Variants in ADAMTSL1 observed in about 807,000 individuals in gnomAD.
ADAMTSL1 encodes the protein ADAMTS-like protein 1.
Under a neutral mutation model 201.8 loss-of-function variants are expected in ADAMTSL1, and 126 were observed. That is an observed-to-expected ratio of 0.62 (90% CI 0.54 to 0.72). The LOEUF (loss-of-function observed/expected upper bound fraction) is 0.72, where lower values mean the gene tolerates loss of function less well. Among genes scored for constraint, ADAMTSL1 ranks in the 30% least tolerant of loss-of-function variants. ADAMTSL1 has a pLI of 0.00. For missense variants in ADAMTSL1, 2,679 were observed against 2,277.8 expected, an observed-to-expected ratio of 1.18 and a Z score of -3.59; for synonymous variants, 1,121 against 903.4, an observed-to-expected ratio of 1.24 and a Z score of -4.32.
intron 2 of ADAMTSL1, among the ~76,000 whole-genome samples, chr9:18,336,481 A>G (rs989616178): frequency 6.6e-6 from 1 of 152,170 alleles, no homozygotes; most frequent in African/African-American, 2.4e-5. Context: ...CTGTGAGAGA[A>G]AAACATACAA....
chr9:18,187,772 G>A (rs538475236), intron 2 of ADAMTSL1, among the ~76,000 whole-genome samples: 2 of 152,046 alleles, frequency 1.3e-5, no homozygotes, highest in South Asian at 4.2e-4. Flanking sequence ...AGGGAAGGAA[G>A]GAAAATGAAA....
intron 1 of ADAMTSL1, among the ~76,000 whole-genome samples, chr9:17,974,217 T>C (rs1483420680): frequency 1.3e-5 from 2 of 151,970 alleles, no homozygotes; most frequent in Non-Finnish European, 2.9e-5. Context: ...ACCACTCCTA[T>C]TCAACATAGT....
chr9:17,969,652 A>G (rs115612930), intron 1 of ADAMTSL1, among the ~76,000 whole-genome samples: 2 of 152,094 alleles, frequency 1.3e-5, no homozygotes, highest in African/African-American at 4.8e-5. Context: ...AGTATACTAA[A>G]TGAGCTAGAA....
intron 23 of ADAMTSL1, among the ~76,000 whole-genome samples, chr9:18,881,424 G>A (rs7868431): frequency 2.6e-5 from 4 of 152,114 alleles, no homozygotes; most frequent in African/African-American, 9.7e-5. Flanking sequence ...TGCATCTCAG[G>A]GGATAGGGAG....
At chr9:18,276,089 C>T (rs907884068) in intron 2 of ADAMTSL1, among the ~76,000 whole-genome samples, 1 of 151,960 alleles carries the variant, frequency 6.6e-6, no homozygotes, top group Non-Finnish European at 1.5e-5. Flanking sequence ...TTAGTTATCC[C>T]AGTGGTTGTG....
At chr9:18,783,714 T>A (rs1395872916) in intron 19 of ADAMTSL1, among the ~76,000 whole-genome samples, 1 of 152,262 alleles carries the variant, frequency 6.6e-6, no homozygotes, top group East Asian at 1.9e-4. Flanking sequence ...GAGCTGGGAT[T>A]TGAAACCAGG....
chr9:18,607,821 T>C (rs1288224891), intron 4 of ADAMTSL1, among the ~76,000 whole-genome samples: 1 of 149,982 alleles, frequency 6.7e-6, no homozygotes, highest in Non-Finnish European at 1.5e-5. Context: ...AGTGAGAACA[T>C]GCGGTGTTCG....
intron 23 of ADAMTSL1, among the ~76,000 whole-genome samples, chr9:18,872,196 G>A (rs1362496874): frequency 3.3e-5 from 5 of 151,874 alleles, no homozygotes; most frequent in Non-Finnish European, 4.4e-5. Flanking sequence ...ATAGGACTTG[G>A]TTAAACAAGT....
At chr9:18,906,596 C>T in intron 27 of ADAMTSL1, 96 bp from the exon 28 acceptor site, 2 of 1,019,790 alleles carry the variant, frequency 2.0e-6, no homozygotes, top group Non-Finnish European at 2.8e-6. Context: ...CTTGAGGAAC[C>T]ACCTAACATT....
chr9:17,952,163 A>G (rs1484187582), intron 1 of ADAMTSL1, among the ~76,000 whole-genome samples: 3 of 144,484 alleles, frequency 2.1e-5, no homozygotes, highest in African/African-American at 7.7e-5. Context: ...TACGTTGCCC[A>G]GGCAGGCCTT....
chr9:18,732,207 C>G (rs1327488608), intron 15 of ADAMTSL1, among the ~76,000 whole-genome samples: 1 of 152,150 alleles, frequency 6.6e-6, no homozygotes, highest in Non-Finnish European at 1.5e-5. Context: ...TAATTTTATA[C>G]TCACCGAGTT....
At chr9:18,368,220 A>T (rs17202704) in intron 2 of ADAMTSL1, among the ~76,000 whole-genome samples, 12,349 of 152,094 alleles carry the variant, frequency 0.081, 698 homozygotes, top group Middle Eastern at 0.14. Flanking sequence ...TGGCTGAGGG[A>T]GTCTTTTAAA....
chr9:18,180,315 C>T (rs1354488618), intron 2 of ADAMTSL1, among the ~76,000 whole-genome samples: 16 of 152,120 alleles, frequency 1.1e-4, no homozygotes, highest in Admixed American at 2.6e-4. Flanking sequence ...GGGCGGATCA[C>T]GAGGTCAGGA....
chr9:18,313,941 GT>G, intron 2 of ADAMTSL1, among the ~76,000 whole-genome samples: 1 of 152,200 alleles, frequency 6.6e-6, no homozygotes, highest in Admixed American at 6.5e-5. Flanking sequence ...CTGATAAGGG[GT>G]TAATATACAA....
At chr9:18,073,787 G>C (rs10963431) in intron 1 of ADAMTSL1, among the ~76,000 whole-genome samples, 59,967 of 152,004 alleles carry the variant, frequency 0.39, 12,377 homozygotes, top group Non-Finnish European at 0.46. Context: ...CTGACCTTGA[G>C]GGTGTCACCC....
At chr9:18,029,278 CA>C (rs1345304319) in intron 1 of ADAMTSL1, among the ~76,000 whole-genome samples, 5 of 151,876 alleles carry the variant, frequency 3.3e-5, no homozygotes, top group African/African-American at 9.7e-5. Context: ...TTGCCCTGGC[CA>C]GAACAAAGCC....
chr9:18,874,312 C>T (rs912483451), intron 23 of ADAMTSL1, among the ~76,000 whole-genome samples: 10 of 152,008 alleles, frequency 6.6e-5, no homozygotes, highest in South Asian at 4.1e-4. Flanking sequence ...CTGATTGCTC[C>T]GGCTAGGGCT....
At chr9:18,474,078 A>AC, upstream of ADAMTSL1, 3 of 420,592 alleles carry the variant, frequency 7.1e-6, no homozygotes, top group East Asian at 5.1e-5. Flanking sequence ...CCACCCATCC[A>AC]CCCACCCACC....
intron 13 of ADAMTSL1, among the ~76,000 whole-genome samples, chr9:18,692,666 A>T (rs957720122): frequency 3.9e-5 from 6 of 152,222 alleles, no homozygotes; most frequent in African/African-American, 1.4e-4. Flanking sequence ...AAATTACAAG[A>T]TAAACTAATT....
Sources: gnomAD v4.1 joint callset for allele counts (sites outside exome capture counted in the v4.1 genomes callset) on GRCh38, gnomAD v4.1.1 for gene constraint, MANE v1.5 for transcripts, NCBI Gene and HGNC (gene_info 2026-07-23, HGNC 2026-07-21) for gene names.